MFAP3L: variants seen among roughly 807,000 people sequenced by gnomAD.
The protein encoded by MFAP3L is microfibril associated protein 3 like, also known as microfibrillar-associated protein 3-like.
MFAP3L carries 5 observed loss-of-function variants against 20.0 expected under a neutral mutation model. The ratio of observed to expected loss-of-function variants is 0.25; its 90% CI spans 0.13 to 0.53. The LOEUF (loss-of-function observed/expected upper bound fraction) is 0.53. Ranked by LOEUF, MFAP3L falls within the 20% of genes least tolerant of loss-of-function variation. The pLI, the probability that MFAP3L is intolerant of heterozygous loss-of-function variation, is 0.96. For synonymous variants in MFAP3L, 219 were observed against 213.0 expected (o/e 1.03, Z -0.25); for missense variants, 409 against 527.5 (o/e 0.78, Z 2.20).
At chr4:170,013,214 T>A (rs368407954) in intron 1 of MFAP3L, among the ~76,000 whole-genome samples, 19 of 152,214 alleles carry the variant, frequency 1.2e-4, no homozygotes, top group East Asian at 7.7e-4. Context: ...TTGCCCAGGG[T>A]CATCAAATCA....
Position 169,991,547 on chromosome 4 carries a change from G to A in MFAP3L, c.1061C>T (p.Pro354Leu), listed in dbSNP as rs1001544423. 8.1e-6 allele frequency: 13 copies of A among 1,614,120 alleles called. No homozygotes were observed. The highest frequency in any genetic ancestry group is 9.3e-6 in the Non-Finnish European group (11 of 1,180,024). ...ATCGGTAGAAGGTTCTGCAGTTTCG[G>A]GGGAATGTTCCGCCGACAGTTCTGT... is the stretch of plus-strand genomic sequence containing the variant. ...EETELSAEHS[P>L]ETAEPSTDVT... The change falls in exon 3 of 3, where the codon CCC becomes CTC. Residue 354 changes from proline (P) to leucine (L), a missense_variant. Pro to Leu is a moderately conservative substitution (Grantham distance 98). Coordinates refer to ENST00000361618, the MANE Select transcript of MFAP3L (RefSeq NM_021647.8). This position sits in a 1 kb window ranked among gnomAD's most constrained non-coding sequence, Gnocchi z 4.9.
At position 170,005,916 on chromosome 4, in the gene MFAP3L, TG is replaced by T. The variant is rs1739003446; in HGVS notation, c.-40del. 1.3e-6 allele frequency: 2 copies of T among 1,588,924 alleles called. No homozygotes were observed. The highest frequency in any genetic ancestry group is 3.4e-5 in the Admixed American group (2 of 58,226). On this transcript the variant is annotated 5_prime_UTR_variant, in exon 2 of 3. Coordinates refer to ENST00000361618, the MANE Select transcript of MFAP3L (RefSeq NM_021647.8). ...TCTGTAAGGCAATAGAGAGATGGTT[TG>T]CCAACCGAATCTTCTATCAGACAAC...
chr4:170,015,620 C>T (rs1440552905), intron 1 of MFAP3L, among the ~76,000 whole-genome samples: 4 of 152,282 alleles, frequency 2.6e-5, no homozygotes, highest in Middle Eastern at 3.4e-3. Context: ...AGTATTAGGA[C>T]GCCCCCCATT....
rs1737765051 is a variant in MFAP3L, at chr4:169,992,200, G to T, written c.408C>A (p.Asn136Lys). 6.2e-7 allele frequency: 1 copy of T among 1,614,132 alleles called. No individual in the cohort carries two copies. The highest frequency in any genetic ancestry group is 2.2e-5 in the East Asian group (1 of 44,872). ...VASNIYGTVN[N>K]TVTLRVIFTS... ...TGAAGATGACGCGCAAGGTCACCGT[G>T]TTGTTCACGGTGCCGTAGATGTTAG... is the stretch of plus-strand genomic sequence containing the variant. The change falls in exon 3 of 3, where the codon AAC becomes AAA. Residue 136 changes from asparagine to lysine, a missense_variant. Around this residue, in one of 3 missense-constraint regions of MFAP3L, gnomAD observed 127 missense variants for 218.1 expected, o/e 0.58. Coordinates refer to ENST00000361618, the MANE Select transcript of MFAP3L (RefSeq NM_021647.8). This position sits in a 1 kb window ranked among gnomAD's most constrained non-coding sequence, Gnocchi z 4.3.
In MFAP3L at chr4:170,005,592, CCTT is replaced by C; in HGVS notation, c.283_285del (p.Lys95del). The C allele has an allele frequency of 6.2e-7, 1 of 1,613,992 alleles. No homozygotes were observed. The highest frequency in any genetic ancestry group is 8.5e-7 in the Non-Finnish European group (1 of 1,179,882). On this transcript the variant is annotated inframe_deletion, in exon 2 of 3. Coordinates refer to ENST00000361618, the MANE Select transcript of MFAP3L (RefSeq NM_021647.8). Reference sequence around the variant, plus strand: ...CTTTAAAGCCTACCTCCTCCTCTCTCCTTCTCATCCTCTTCTTCTTTCAGCAGC... The same window carrying C: ...CTTTAAAGCCTACCTCCTCCTCTCTCCTCATCCTCTTCTTCTTTCAGCAGC...
chr4:170,014,286 T>C (rs1167626312), intron 1 of MFAP3L, among the ~76,000 whole-genome samples: 1 of 152,252 alleles, frequency 6.6e-6, no homozygotes, highest in Non-Finnish European at 1.5e-5. Context: ...AATCTGTAGA[T>C]GGCACTACTT....
At chr4:169,996,716 G>A (rs1286404344) in intron 2 of MFAP3L, among the ~76,000 whole-genome samples, 1 of 152,142 alleles carries the variant, frequency 6.6e-6, no homozygotes, top group Non-Finnish European at 1.5e-5. Context: ...GGCAGGGCTG[G>A]ATTACAGGAG....
At chr4:170,022,162 A>T (rs1382022830) in intron 1 of MFAP3L, among the ~76,000 whole-genome samples, 1 of 152,186 alleles carries the variant, frequency 6.6e-6, no homozygotes, top group Non-Finnish European at 1.5e-5. Flanking sequence ...ATTGTGAGTA[A>T]AAGTTTTAAG....
chr4:169,996,926 CA>C (rs1167531764), intron 2 of MFAP3L, among the ~76,000 whole-genome samples: 4 of 152,152 alleles, frequency 2.6e-5, no homozygotes, highest in Admixed American at 2.6e-4. Context: ...CAGCCTCACA[CA>C]TTTAGCCCAG....
At chr4:170,011,048 C>T (rs1397081230) in intron 1 of MFAP3L, among the ~76,000 whole-genome samples, 5 of 152,146 alleles carry the variant, frequency 3.3e-5, no homozygotes, top group Non-Finnish European at 5.9e-5. Context: ...CGAGATCTAA[C>T]GGTTTTATAA....
At chr4:170,018,852 T>C (rs910775241) in intron 1 of MFAP3L, among the ~76,000 whole-genome samples, 6 of 152,140 alleles carry the variant, frequency 3.9e-5, no homozygotes, top group African/African-American at 9.7e-5. Context: ...AGGGAGTCAT[T>C]AGACAGAACT....
chr4:169,990,797 C>T lies in MFAP3L; in HGVS notation c.*581G>A, dbSNP rs1737604310. 1 of 152,962 alleles carries T rather than the reference C, an allele frequency of 6.5e-6. No individual in the cohort carries two copies. 9.5% of individuals were successfully genotyped at this position (152,962 alleles called of 1,614,324 possible). A position where few individuals can be genotyped will look rare whatever the true frequency, so the allele number is the denominator to read the frequency against. ...ATGTAATGTGACTTGTAGATATCAG[C>T]CCTGGTACTGGTGACTGATACCAAA... On this transcript the variant is annotated 3_prime_UTR_variant, in exon 3 of 3. Coordinates refer to ENST00000361618, the MANE Select transcript of MFAP3L (RefSeq NM_021647.8).
chr4:170,010,552 G>A (rs1473397567), intron 1 of MFAP3L, among the ~76,000 whole-genome samples: 2 of 152,064 alleles, frequency 1.3e-5, no homozygotes, highest in Non-Finnish European at 2.9e-5. Flanking sequence ...TGAAGATGGC[G>A]AGGCTGAAGA....
In MFAP3L at chr4:169,991,685, A is replaced by T. The variant is rs1737701533; in HGVS notation, c.923T>A (p.Leu308Gln). ...GGCAATTTGCTGAGGTTGCTCGTGC[A>T]GCGATGAGGCGTCCGAGTCAGCGGC... Reference protein sequence around the residue: ...SPAADSDASSLHEQPQQIAIK... With the variant: ...SPAADSDASSQHEQPQQIAIK... Residue 308 changes from leucine (L) to glutamine (Q), a missense_variant, in exon 3 of 3, where the codon CTG becomes CAG. By Grantham distance (113) the Leu-to-Gln change is moderately radical. Around this residue, in one of 3 missense-constraint regions of MFAP3L, gnomAD observed 169 missense variants for 178.2 expected, o/e 0.95. Transcript: ENST00000361618. This position sits in a 1 kb window ranked among gnomAD's most constrained non-coding sequence, Gnocchi z 4.9. 1 of 1,614,210 alleles carries T rather than the reference A, an allele frequency of 6.2e-7. No individual in the cohort carries two copies. Among genetic ancestry groups the T allele is most frequent in the Non-Finnish European group, 8.5e-7 (1 of 1,180,044 alleles).
chr4:170,026,571 C>A, upstream of MFAP3L: 1 of 151,806 alleles, frequency 6.6e-6, no homozygotes, highest in Non-Finnish European at 1.5e-5. Context: ...TGCTGCGGAG[C>A]GGCCCCGCGG....
intron 1 of MFAP3L, among the ~76,000 whole-genome samples, chr4:170,013,398 T>C (rs1195314445): frequency 1.3e-5 from 2 of 152,050 alleles, no homozygotes; most frequent in Non-Finnish European, 2.9e-5. Flanking sequence ...AAAAATTACA[T>C]TAAAGGTTGT....
At chr4:170,008,985 T>C (rs1025770851) in intron 1 of MFAP3L, among the ~76,000 whole-genome samples, 3 of 152,238 alleles carry the variant, frequency 2.0e-5, no homozygotes, top group African/African-American at 4.8e-5. Context: ...TTACAATGTG[T>C]TGCCTGAAGA....
intron 2 of MFAP3L, chr4:169,994,517 C>T (rs1475527415): frequency 1.0e-6 from 1 of 974,930 alleles, no homozygotes; most frequent in Non-Finnish European, 1.2e-6. Flanking sequence ...CCAATGCTTT[C>T]CTCTATTGAA....
At chr4:170,001,982 G>A in intron 2 of MFAP3L, 2 of 985,444 alleles carry the variant, frequency 2.0e-6, no homozygotes, top group Non-Finnish European at 2.4e-6. Context: ...GCAGAAACGA[G>A]ACATGAAATT....
Sources: allele counts gnomAD v4.1 joint callset (sites outside exome capture counted in the v4.1 genomes callset), GRCh38; gene constraint gnomAD v4.1.1; regional missense constraint gnomAD v4.1.1; non-coding constraint Gnocchi (gnomAD v3.1); transcripts MANE v1.5; gene names NCBI Gene and HGNC (gene_info 2026-07-23, HGNC 2026-07-21).